The following CLUL1 variants were observed in gnomAD, a reference collection of about 807,000 sequenced individuals.
CLUL1 encodes the protein clusterin-like protein 1.
Under a neutral mutation model 49.4 loss-of-function variants are expected in CLUL1, and 43 were observed. That is an observed-to-expected ratio of 0.87 (90% CI 0.68 to 1.12). The LOEUF is 1.12. CLUL1 is among the 50% of genes most tolerant of loss of function. CLUL1 has a pLI of 0.00. For synonymous variants in CLUL1, 192 were observed against 184.9 expected, an observed-to-expected ratio of 1.04 and a Z score of -0.31; for missense variants, 486 against 544.4, an observed-to-expected ratio of 0.89 and a Z score of 1.07.
chr18:645,341 T>G (rs1358772318), intron 9 of CLUL1: 1 of 326,092 alleles, frequency 3.1e-6, no homozygotes, highest in African/African-American at 2.1e-5. Flanking sequence ...GGGAACATAA[T>G]TGGTTTTGCA....
chr18:616,863 T>G (rs1328235345), intron 2 of CLUL1: 1 of 168,626 alleles, frequency 5.9e-6, no homozygotes, highest in Admixed American at 6.5e-5. Context: ...AACTGCATAA[T>G]TACTAGTACA....
At chr18:599,879 C>T (rs1439378683) in intron 1 of CLUL1, among the ~76,000 whole-genome samples, 4 of 150,314 alleles carry the variant, frequency 2.7e-5, no homozygotes, top group Non-Finnish European at 4.4e-5. Flanking sequence ...ACCCGGGAGG[C>T]GGAGCTTGCA....
At chr18:640,835 C>A (rs2074322932) in intron 7 of CLUL1, among the ~76,000 whole-genome samples, 1 of 152,082 alleles carries the variant, frequency 6.6e-6, no homozygotes, top group South Asian at 2.1e-4. Context: ...TCCAAAACAT[C>A]ACAAATCTTT....
At chr18:638,846 A>T (rs2074238949) in intron 7 of CLUL1, among the ~76,000 whole-genome samples, 2 of 150,416 alleles carry the variant, frequency 1.3e-5, no homozygotes, top group Non-Finnish European at 2.9e-5. Context: ...TGACAGAGCG[A>T]GACTTTGTCT....
At chr18:603,600 G>C (rs579051) in intron 1 of CLUL1, among the ~76,000 whole-genome samples, 3 of 151,914 alleles carry the variant, frequency 2.0e-5, no homozygotes, top group African/African-American at 7.3e-5. Flanking sequence ...AAACAATCAA[G>C]TGACATTGCT....
rs1054780813 is a variant in CLUL1, at chr18:628,626, C to CTTTTTCT, written c.856+1110_856+1116dup. 3.3e-5 allele frequency among the ~76,000 whole-genome samples: 5 copies of CTTTTTCT among 149,482 alleles called. No individual in the cohort carries two copies. The East Asian group carries it at 9.8e-4, about 29-fold the overall frequency. ...AAATGGGCTCCTTCTATCTATTTTT[C>CTTTTTCT]TTTTTCTTTTTTCTTTTTTTTTTTT... is the stretch of plus-strand genomic sequence containing the variant. On this transcript the variant is annotated intron_variant, in intron 6 of 9. Coordinates refer to ENST00000692774, the MANE Select transcript of CLUL1 (RefSeq NM_001393344.1).
intron 5 of CLUL1, among the ~76,000 whole-genome samples, chr18:626,389 A>G (rs1264610106): frequency 1.3e-5 from 2 of 152,114 alleles, no homozygotes; most frequent in African/African-American, 2.4e-5. Context: ...TTTTTAGGCT[A>G]TTGGTGGGCA....
intron 2 of CLUL1, among the ~76,000 whole-genome samples, 196 bp downstream of exon 2, chr18:607,295 A>G (rs2073002048): frequency 6.6e-6 from 1 of 151,902 alleles, no homozygotes; most frequent in Non-Finnish European, 1.5e-5. Flanking sequence ...CGTCCGGCTA[A>G]TTTTTGTATT....
chr18:626,203 C>T (rs575263320), intron 5 of CLUL1, among the ~76,000 whole-genome samples: 5 of 152,130 alleles, frequency 3.3e-5, no homozygotes, highest in Non-Finnish European at 7.3e-5. Context: ...GCCTCCACCT[C>T]CTGGGTTCAA....
intron 9 of CLUL1, among the ~76,000 whole-genome samples, chr18:645,464 T>C (rs1453327048): frequency 6.6e-6 from 1 of 151,974 alleles, no homozygotes; most frequent in East Asian, 1.9e-4. Context: ...GATGAAAAGT[T>C]CTCCCTCCAA....
chr18:617,572 G>A (rs113193821), intron 2 of CLUL1, among the ~76,000 whole-genome samples: 12,156 of 119,862 alleles, frequency 0.1, 612 homozygotes, highest in African/African-American at 0.16. Flanking sequence ...TCCAGCCTGG[G>A]CAACAAGAGC....
At chr18:621,173 C>T (rs1489263297) in intron 4 of CLUL1, among the ~76,000 whole-genome samples, 1 of 152,132 alleles carries the variant, frequency 6.6e-6, no homozygotes, top group Non-Finnish European at 1.5e-5. Flanking sequence ...CCCATTCCCC[C>T]CACCCCAGTC....
At chr18:630,490 A>G (rs1184287607) in intron 6 of CLUL1, among the ~76,000 whole-genome samples, 1 of 152,114 alleles carries the variant, frequency 6.6e-6, no homozygotes, top group Non-Finnish European at 1.5e-5. Context: ...AAAGTGGAAG[A>G]AGGAGGCAGA....
chr18:610,052 G>A (rs1449059001), intron 2 of CLUL1, among the ~76,000 whole-genome samples: 1 of 151,386 alleles, frequency 6.6e-6, no homozygotes, highest in Non-Finnish European at 1.5e-5. Context: ...AAATGTTACT[G>A]TACAAGGGAT....
intron 3 of CLUL1, among the ~76,000 whole-genome samples, 177 bp from the exon 4 acceptor site, chr18:619,036 C>G (rs1186565337): frequency 6.6e-6 from 1 of 152,090 alleles, no homozygotes; most frequent in African/African-American, 2.4e-5. Flanking sequence ...AAGGTATGGT[C>G]CGTGTGGCAG....
In CLUL1 at chr18:620,527, T is replaced by C. The variant is rs139626161; in HGVS notation, c.255+1166T>C. On this transcript the variant is annotated intron_variant, in intron 4 of 9. Transcript: ENST00000692774. ...ACAGAGCAAGGGAACTATAGTTGAT[T>C]CTTCTGGAATGTAGAGGATCCCCTT... 7.0e-3 allele frequency among the ~76,000 whole-genome samples: 1,063 copies of C among 152,336 alleles called. 7 individuals are homozygous for C. The highest frequency in any genetic ancestry group is 0.011 in the Non-Finnish European group (721 of 68,028).
intron 8 of CLUL1, among the ~76,000 whole-genome samples, chr18:642,532 T>C (rs1474765468): frequency 6.6e-6 from 1 of 152,256 alleles, no homozygotes. Flanking sequence ...CAAGTGACTT[T>C]TCTTCCTAAG....
At chr18:609,120 TCATATACAC>T (rs767991241) in intron 2 of CLUL1, among the ~76,000 whole-genome samples, 17 of 152,356 alleles carry the variant, frequency 1.1e-4, no homozygotes, top group Middle Eastern at 3.4e-3. Flanking sequence ...CATTTATGTT[TCATATACAC>T]CTTATACACG....
chr18:631,218 A>G (rs548829444), intron 6 of CLUL1, among the ~76,000 whole-genome samples: 1 of 152,250 alleles, frequency 6.6e-6, no homozygotes, highest in South Asian at 2.1e-4. Context: ...TTGTTCTCAT[A>G]TTTCTTTCCT....
Sources: allele counts gnomAD v4.1 joint callset (sites outside exome capture counted in the v4.1 genomes callset), GRCh38; gene constraint gnomAD v4.1.1; transcripts MANE v1.5; gene names NCBI Gene and HGNC (gene_info 2026-07-23, HGNC 2026-07-21).